Variants in SLC35F4 observed in about 807,000 individuals in gnomAD.
The protein encoded by SLC35F4 is chromosome 14 open reading frame 36.
SLC35F4 carries 24 observed loss-of-function variants against 44.2 expected under a neutral mutation model. The ratio of observed to expected loss-of-function variants is 0.54; its 90% CI spans 0.39 to 0.76. The LOEUF is 0.76. Among genes scored for constraint, SLC35F4 ranks in the 30% least tolerant of loss-of-function variants. The pLI is 0.00. For missense variants in SLC35F4, 562 were observed against 586.1 expected (o/e 0.96, Z 0.42); for synonymous variants, 238 against 223.6 (o/e 1.06, Z -0.57).
chr14:57,714,214 C>T (rs1362002101), intron 1 of SLC35F4, among the ~76,000 whole-genome samples: 1 of 152,114 alleles, frequency 6.6e-6, no homozygotes, highest in Non-Finnish European at 1.5e-5. Context: ...CATTCCAAAA[C>T]AAAGTTTCTC....
chr14:57,623,775 A>G (rs758032189), intron 1 of SLC35F4, among the ~76,000 whole-genome samples: 7 of 152,224 alleles, frequency 4.6e-5, no homozygotes, highest in Non-Finnish European at 8.8e-5. Flanking sequence ...ACAATGTACC[A>G]GAATCTCTGG....
intron 1 of SLC35F4, among the ~76,000 whole-genome samples, chr14:57,666,828 G>A (rs1246000429): frequency 5.3e-5 from 8 of 152,066 alleles, no homozygotes; most frequent in Admixed American, 4.6e-4. Context: ...GGACCTAGTA[G>A]GCATGTGAAA....
chr14:57,643,770 C>T (rs1047694102), intron 1 of SLC35F4, among the ~76,000 whole-genome samples: 16 of 151,964 alleles, frequency 1.1e-4, no homozygotes, highest in Non-Finnish European at 1.9e-4. Flanking sequence ...CTCCCCCCTT[C>T]CCCCACCCCA....
At chr14:57,881,048 A>G (rs1888524812) in intron 1 of SLC35F4, among the ~76,000 whole-genome samples, 1 of 152,162 alleles carries the variant, frequency 6.6e-6, no homozygotes, top group Non-Finnish European at 1.5e-5. Context: ...ATTTAACAGA[A>G]TTATTCTCAT....
intron 1 of SLC35F4, among the ~76,000 whole-genome samples, chr14:57,755,697 C>G (rs994055): frequency 0.42 from 63,313 of 151,170 alleles, 13,425 homozygotes; most frequent in East Asian, 0.57. Flanking sequence ...CAAATTCTCT[C>G]TTACCAAAAC....
intron 1 of SLC35F4, among the ~76,000 whole-genome samples, chr14:57,736,938 A>C (rs1289999229): frequency 7.1e-6 from 1 of 140,452 alleles, no homozygotes; most frequent in African/African-American, 2.5e-5. Flanking sequence ...ATAATGAGAA[A>C]CACTGCACTG....
At chr14:57,718,627 C>T (rs1402278810) in intron 1 of SLC35F4, among the ~76,000 whole-genome samples, 1 of 152,158 alleles carries the variant, frequency 6.6e-6, no homozygotes, top group Non-Finnish European at 1.5e-5. Context: ...GCCTGTTTGC[C>T]ATTTGCATGT....
intron 1 of SLC35F4, among the ~76,000 whole-genome samples, chr14:57,620,230 C>T (rs1037062958): frequency 2.0e-5 from 3 of 151,968 alleles, no homozygotes; most frequent in African/African-American, 7.3e-5. Context: ...AACCCCAAGA[C>T]ATAATTGTCA....
At chr14:57,847,724 T>A (rs983788616) in intron 1 of SLC35F4, among the ~76,000 whole-genome samples, 1 of 152,166 alleles carries the variant, frequency 6.6e-6, no homozygotes, top group Admixed American at 6.5e-5. Flanking sequence ...AAGAAACAGA[T>A]AATGCACAAT....
chr14:57,607,057 T>C (rs1483394287), intron 1 of SLC35F4, among the ~76,000 whole-genome samples: 1 of 152,164 alleles, frequency 6.6e-6, no homozygotes, highest in Non-Finnish European at 1.5e-5. Context: ...GCAATTTCTA[T>C]AAAGAGTGCT....
chr14:57,938,434 T>C (rs571829867), intron 1 of SLC35F4, among the ~76,000 whole-genome samples: 20 of 152,294 alleles, frequency 1.3e-4, no homozygotes, highest in Non-Finnish European at 2.9e-4. Context: ...TCCTGGCCCA[T>C]TGTTTTCAGA....
intron 1 of SLC35F4, among the ~76,000 whole-genome samples, chr14:57,816,899 C>T (rs1318550818): frequency 1.3e-5 from 2 of 152,184 alleles, no homozygotes; most frequent in Admixed American, 1.3e-4. Context: ...GCCTTTCCCT[C>T]CTCTGTTTTA....
chr14:57,606,680 T>A (rs1258512661), intron 1 of SLC35F4, among the ~76,000 whole-genome samples: 1 of 152,202 alleles, frequency 6.6e-6, no homozygotes, highest in East Asian at 1.9e-4. Context: ...TGTCAACCAC[T>A]CTACCAAGTT....
At chr14:57,936,883 T>C (rs1889806535) in intron 1 of SLC35F4, among the ~76,000 whole-genome samples, 1 of 152,036 alleles carries the variant, frequency 6.6e-6, no homozygotes, top group Non-Finnish European at 1.5e-5. Flanking sequence ...AGCCAACACA[T>C]GCATGGAATG....
chr14:57,838,189 GA>G (rs1196653726), intron 1 of SLC35F4, among the ~76,000 whole-genome samples: 1 of 152,158 alleles, frequency 6.6e-6, no homozygotes, highest in Middle Eastern at 3.2e-3. Flanking sequence ...AGCTCAGGTG[GA>G]AAAAGAACCC....
intron 1 of SLC35F4, among the ~76,000 whole-genome samples, chr14:57,791,580 C>T (rs1449865511): frequency 2.6e-5 from 4 of 152,280 alleles, no homozygotes; most frequent in Non-Finnish European, 5.9e-5. Flanking sequence ...GGTGATTCCT[C>T]AAGGATCTAG....
intron 1 of SLC35F4, among the ~76,000 whole-genome samples, chr14:57,649,364 T>C (rs960664513): frequency 1.3e-5 from 2 of 152,124 alleles, no homozygotes; most frequent in African/African-American, 4.8e-5. Context: ...TTTCTTTGCT[T>C]TTTCCAGCTT....
chr14:57,571,492 C>T (rs2068502828), intron 5 of SLC35F4, among the ~76,000 whole-genome samples: 1 of 152,254 alleles, frequency 6.6e-6, no homozygotes, highest in South Asian at 2.1e-4. Flanking sequence ...AATTAAAAAA[C>T]ACAGGGAGAG....
intron 1 of SLC35F4, among the ~76,000 whole-genome samples, chr14:57,923,574 A>G (rs1889485209): frequency 6.6e-6 from 1 of 152,236 alleles, no homozygotes; most frequent in Non-Finnish European, 1.5e-5. Flanking sequence ...AAATCCAAGT[A>G]TAAATCCCTA....
Sources: allele counts gnomAD v4.1 joint callset (sites outside exome capture counted in the v4.1 genomes callset), GRCh38; gene constraint gnomAD v4.1.1; transcripts MANE v1.5; gene names NCBI Gene and HGNC (gene_info 2026-07-23, HGNC 2026-07-21).